Variants in CBL observed in about 807,000 individuals in gnomAD.
CBL encodes the protein Cbl proto-oncogene, also known as E3 ubiquitin-protein ligase CBL.
CBL carries 45 observed loss-of-function variants against 96.9 expected under a neutral mutation model. The observed-to-expected ratio is 0.46, with a 90% confidence interval of 0.37 to 0.60. CBL has a LOEUF of 0.60. Ranked by LOEUF, CBL falls within the 20% of genes least tolerant of loss-of-function variation. The pLI, the probability that CBL is intolerant of heterozygous loss-of-function variation, is 0.00. For synonymous variants in CBL, 420 were observed against 426.8 expected (o/e 0.98, Z 0.20); for missense variants, 1,024 against 1,143.5 (o/e 0.90, Z 1.51).
At chr11:119,253,727 GT>G (rs1194348466) in intron 2 of CBL, among the ~76,000 whole-genome samples, 1 of 150,228 alleles carries the variant, frequency 6.7e-6, no homozygotes, top group African/African-American at 2.4e-5. Flanking sequence ...GGTCTAAGCT[GT>G]TCTGGAGGCT....
At chr11:119,216,765 A>G (rs1394888314) in intron 1 of CBL, among the ~76,000 whole-genome samples, 1 of 152,212 alleles carries the variant, frequency 6.6e-6, no homozygotes, top group Non-Finnish European at 1.5e-5. Context: ...AACGAAATGT[A>G]GAAGTCTCCT....
chr11:119,239,817 G>T (rs1223293370), intron 2 of CBL, among the ~76,000 whole-genome samples: 1 of 151,612 alleles, frequency 6.6e-6, no homozygotes, highest in African/African-American at 2.4e-5. Context: ...ATCATAAACA[G>T]TTGTTAGAGA....
chr11:119,268,588 T>C (rs533054123), intron 2 of CBL, among the ~76,000 whole-genome samples: 6 of 152,190 alleles, frequency 3.9e-5, no homozygotes, highest in Non-Finnish European at 8.8e-5. Context: ...TACCAAGGCC[T>C]AAGATTTGGG....
intron 2 of CBL, among the ~76,000 whole-genome samples, chr11:119,242,587 C>T (rs1442248223): frequency 4.1e-5 from 6 of 145,844 alleles, no homozygotes; most frequent in Admixed American, 1.4e-4. Context: ...GAGACCCTGA[C>T]CCTGTCTCTA....
chr11:119,272,054 TAA>T (rs1949852978), intron 3 of CBL, among the ~76,000 whole-genome samples, 173 bp downstream of exon 3: 1 of 152,234 alleles, frequency 6.6e-6, no homozygotes, highest in South Asian at 2.1e-4. Context: ...TCATTGTTTT[TAA>T]AAAATAGTTT....
chr11:119,259,265 T>C (rs1949734028), intron 2 of CBL, among the ~76,000 whole-genome samples: 1 of 152,138 alleles, frequency 6.6e-6, no homozygotes, highest in African/African-American at 2.4e-5. Context: ...CCAATTTGGG[T>C]GCCCTTTCTT....
rs2135298945 is a variant in CBL at position 119,273,955 on chromosome 11, C to T, written c.678C>T (p.Ser226=). 1 of 1,613,842 alleles carries T rather than the reference C, an allele frequency of 6.2e-7. No homozygotes were observed. The highest frequency in any genetic ancestry group is 8.5e-7 in the Non-Finnish European group (1 of 1,179,714). The stretch of plus-strand genomic sequence containing the variant: ...GGCTGGAGGCCATGGCTCTGAAATC[C>T]ACTATTGATCTGACCTGCAATGATT... ...SSGLEAMALK[S]TIDLTCNDYI... The change falls in exon 4 of 16, where the codon TCC becomes TCT. Residue 226 remains serine, a synonymous_variant. Coordinates refer to ENST00000264033, the MANE Select transcript of CBL (RefSeq NM_005188.4).
chr11:119,250,810 G>C (rs748545809), intron 2 of CBL, among the ~76,000 whole-genome samples: 48 of 152,160 alleles, frequency 3.2e-4, no homozygotes, highest in African/African-American at 1.1e-3. Context: ...AATTAGCCGG[G>C]TGTGGAGGTG....
rs562520617 is a variant in CBL, at chr11:119,214,792, ACATCTCTCTCT to A, written c.195+8182_195+8192del. ...TTCACCTTTTAGCTTCAGTTTATTA[ACATCTCTCTCT>A]CTCGCCCATTAGAGCTCCTTAGGAC... On this transcript the variant is annotated intron_variant, in intron 1 of 15. Transcript: ENST00000264033. Among the ~76,000 whole-genome samples the A allele has an allele frequency of 2.2e-4, 33 of 151,952 alleles. No homozygotes were observed. In the East Asian group the frequency reaches 2.9e-3, roughly 13 times the overall value.
chr11:119,254,398 CAT>C, intron 2 of CBL, among the ~76,000 whole-genome samples: 1 of 152,222 alleles, frequency 6.6e-6, no homozygotes, highest in Non-Finnish European at 1.5e-5. Flanking sequence ...GTGTGAACGT[CAT>C]AGAGTGTACT....
At chr11:119,257,894 G>A (rs1298226861) in intron 2 of CBL, among the ~76,000 whole-genome samples, 2 of 152,152 alleles carry the variant, frequency 1.3e-5, no homozygotes, top group East Asian at 3.9e-4. Flanking sequence ...TCTCTATTCT[G>A]TTCCATTGGT....
At chr11:119,260,900 G>A (rs1053287981) in intron 2 of CBL, among the ~76,000 whole-genome samples, 2 of 127,224 alleles carry the variant, frequency 1.6e-5, no homozygotes, top group African/African-American at 6.2e-5. Context: ...CCACTGCACT[G>A]CATTTGTATT....
chr11:119,294,683 C>T (rs1308639552), intron 12 of CBL, among the ~76,000 whole-genome samples: 1 of 150,174 alleles, frequency 6.7e-6, no homozygotes, highest in Non-Finnish European at 1.5e-5. Context: ...CCCAGCTGCT[C>T]GGTAGGCTGA....
intron 1 of CBL, among the ~76,000 whole-genome samples, chr11:119,216,603 C>T (rs984398247): frequency 1.3e-5 from 2 of 152,036 alleles, no homozygotes; most frequent in Non-Finnish European, 2.9e-5. Context: ...ATCTCTTGAC[C>T]TTGTGATCCG....
intron 2 of CBL, among the ~76,000 whole-genome samples, chr11:119,238,768 A>G (rs1403560344): frequency 6.6e-6 from 1 of 152,008 alleles, no homozygotes; most frequent in Non-Finnish European, 1.5e-5. Flanking sequence ...GAGGCGGAGG[A>G]TGCAGTGAGC....
At position 119,305,511 on chromosome 11, in the gene CBL, C is replaced by G. The variant is rs1006379169; in HGVS notation, c.*5730C>G. On this transcript the variant is annotated 3_prime_UTR_variant, in exon 16 of 16. Transcript: ENST00000264033. ...TGTCTCCTCCACTCTCCTCCTCACC[C>G]TCTCGCTCCTTCCTGTGTGAGGGCC... 4.3e-6 allele frequency: 1 copy of G among 230,640 alleles called. No homozygotes were observed. Among genetic ancestry groups the G allele is most frequent in the East Asian group, 6.1e-5 (1 of 16,284 alleles). 14.3% of individuals were successfully genotyped at this position (230,640 alleles called of 1,614,324 possible).
At chr11:119,264,394 TTCTCTTCTC>T (rs1949780861) in intron 2 of CBL, among the ~76,000 whole-genome samples, 3 of 55,610 alleles carry the variant, frequency 5.4e-5, no homozygotes, top group Middle Eastern at 5.9e-3. Flanking sequence ...TTCTTTTCTC[TTCTCTTCTC>T]TTCTCTTCTC....
chr11:119,281,754 C>T (rs1391284280), intron 9 of CBL, among the ~76,000 whole-genome samples: 1 of 152,046 alleles, frequency 6.6e-6, no homozygotes, highest in Non-Finnish European at 1.5e-5. Context: ...GCCTCGGCCT[C>T]CCACAGTGCT....
intron 12 of CBL, among the ~76,000 whole-genome samples, chr11:119,296,622 G>A (rs1950063792): frequency 2.0e-5 from 3 of 152,136 alleles, no homozygotes; most frequent in African/African-American, 4.8e-5. Context: ...TAGGGCCTGG[G>A]ACTCTATAAT....
Sources: allele counts gnomAD v4.1 joint callset (sites outside exome capture counted in the v4.1 genomes callset), GRCh38; gene constraint gnomAD v4.1.1; transcripts MANE v1.5; gene names NCBI Gene and HGNC (gene_info 2026-07-23, HGNC 2026-07-21).